Variants in TAF4B observed in about 807,000 individuals in gnomAD.
The protein encoded by TAF4B is TATA-box binding protein associated factor 4b.
Under a neutral mutation model 86.4 loss-of-function variants are expected in TAF4B, and 38 were observed. That is an observed-to-expected ratio of 0.44 (90% CI 0.34 to 0.58). The LOEUF (loss-of-function observed/expected upper bound fraction) is 0.58. Ranked by LOEUF, TAF4B falls within the 20% of genes least tolerant of loss-of-function variation. TAF4B has a pLI of 0.02. For synonymous variants in TAF4B, 388 were observed against 391.2 expected (o/e 0.99, Z 0.10); for missense variants, 988 against 1,027.6 (o/e 0.96, Z 0.53).
chr18:26,330,557 T>C (rs1451435864), intron 12 of TAF4B, among the ~76,000 whole-genome samples: 1 of 152,210 alleles, frequency 6.6e-6, no homozygotes, highest in Admixed American at 6.5e-5. Flanking sequence ...TAAAAGGGTG[T>C]CATTACATCT....
At chr18:26,236,625 C>G (rs531801243) in intron 1 of TAF4B, among the ~76,000 whole-genome samples, 1 of 152,142 alleles carries the variant, frequency 6.6e-6, no homozygotes, top group African/African-American at 2.4e-5. Context: ...TCCTTGCAAA[C>G]CACACTAATA....
chr18:26,269,679 C>T (rs2056288485), intron 3 of TAF4B, among the ~76,000 whole-genome samples: 1 of 150,902 alleles, frequency 6.6e-6, no homozygotes, highest in South Asian at 2.1e-4. Context: ...CATTTGTTGT[C>T]ACTTAACATG....
At chr18:26,367,073 A>T (rs1423425067) in intron 14 of TAF4B, among the ~76,000 whole-genome samples, 1 of 152,248 alleles carries the variant, frequency 6.6e-6, no homozygotes, top group African/African-American at 2.4e-5. Context: ...TAATAGGATC[A>T]TCCTAAAAGC....
intron 14 of TAF4B, among the ~76,000 whole-genome samples, chr18:26,386,648 T>C (rs1978390945): frequency 1.3e-5 from 2 of 152,228 alleles, no homozygotes; most frequent in African/African-American, 4.8e-5. Flanking sequence ...TTGGTAGAAA[T>C]TGAATCATAC....
At chr18:26,256,308 C>G in intron 1 of TAF4B, 1 of 1,450,794 alleles carries the variant, frequency 6.9e-7, no homozygotes, top group Non-Finnish European at 9.7e-7. Context: ...TCTGCAAATA[C>G]AGCAGCCCTC....
At chr18:26,368,634 C>CT (rs1004525630) in intron 14 of TAF4B, among the ~76,000 whole-genome samples, 45 of 152,072 alleles carry the variant, frequency 3.0e-4, no homozygotes, top group African/African-American at 8.7e-4. Context: ...TCATCTAACT[C>CT]TTTTTATAAA....
intron 1 of TAF4B, among the ~76,000 whole-genome samples, chr18:26,255,486 C>G (rs1283724543): frequency 6.6e-6 from 1 of 151,012 alleles, no homozygotes; most frequent in African/African-American, 2.4e-5. Context: ...ACCTATAAAC[C>G]CAGCTACTTG....
At chr18:26,286,806 C>G (rs993596657) in intron 7 of TAF4B, among the ~76,000 whole-genome samples, 2 of 152,106 alleles carry the variant, frequency 1.3e-5, no homozygotes, top group Non-Finnish European at 2.9e-5. Context: ...GCCTTACCCT[C>G]CTGAGTAGCT....
chr18:26,363,822 A>G (rs1465831541), intron 14 of TAF4B, among the ~76,000 whole-genome samples: 1 of 152,218 alleles, frequency 6.6e-6, no homozygotes, highest in African/African-American at 2.4e-5. Flanking sequence ...GAATCAGCAT[A>G]TAATCCCAGA....
chr18:26,285,384 T>G (rs1568127786), intron 6 of TAF4B, among the ~76,000 whole-genome samples: 3 of 151,656 alleles, frequency 2.0e-5, no homozygotes, highest in Non-Finnish European at 1.5e-5. Flanking sequence ...GATGGGGTTT[T>G]GCCATGTTGC....
At position 26,390,823 on chromosome 18, in the gene TAF4B, G is replaced by C. The variant is rs548899459; in HGVS notation, c.*811G>C. On this transcript the variant is annotated 3_prime_UTR_variant, in exon 15 of 15. Transcript: ENST00000269142. ...CCCAAGAGGGGAAGAGGTGGAATCG[G>C]AACTCCAAAACAACTGGTACATGTT... 1 of 152,222 alleles carries C rather than the reference G, an allele frequency of 6.6e-6. No individual in the cohort carries two copies. Among genetic ancestry groups the C allele is most frequent in the East Asian group, 1.9e-4 (1 of 5,180 alleles). 9.4% of individuals were successfully genotyped at this position (152,222 alleles called of 1,614,324 possible). A position where few individuals can be genotyped will look rare whatever the true frequency, so the allele number is the denominator to read the frequency against.
intron 5 of TAF4B, 129 bp from the exon 6 acceptor site, chr18:26,281,842 A>G (rs2056453401): frequency 4.8e-6 from 3 of 622,346 alleles, no homozygotes; most frequent in Non-Finnish European, 8.3e-6. Context: ...GCATGAAGAA[A>G]AAAGCCTATA....
In TAF4B at chr18:26,391,472, TTTG is replaced by T. The variant is rs1487509730; in HGVS notation, c.*1463_*1465del. The T allele has an allele frequency of 6.6e-6, 1 of 152,262 alleles. No homozygotes were observed. The highest frequency in any genetic ancestry group is 1.9e-4 in the East Asian group (1 of 5,192). The allele number at this position is 152,262 out of a possible 1,614,324, so 9.4% of individuals were successfully genotyped here. A position where few individuals can be genotyped will look rare whatever the true frequency, so the allele number is the denominator to read the frequency against. On this transcript the variant is annotated 3_prime_UTR_variant, in exon 15 of 15. Transcript: ENST00000269142. ...AAATTTTAAATTGGCCACATTTTTT[TTTG>T]TTTCAGCAAGTTATGTAAAATGCTA...
At chr18:26,238,434 G>A (rs1372226051) in intron 1 of TAF4B, among the ~76,000 whole-genome samples, 1 of 152,100 alleles carries the variant, frequency 6.6e-6, no homozygotes, top group African/African-American at 2.4e-5. Flanking sequence ...CTGCTAGTCT[G>A]AGGAGGGATC....
At chr18:26,289,700 G>A (rs2056569297) in intron 7 of TAF4B, among the ~76,000 whole-genome samples, 1 of 152,138 alleles carries the variant, frequency 6.6e-6, no homozygotes, top group Non-Finnish European at 1.5e-5. Flanking sequence ...TGTTGCCCAG[G>A]CTAGTCTTGA....
intron 13 of TAF4B, among the ~76,000 whole-genome samples, chr18:26,356,378 C>G (rs2057289088): frequency 6.6e-6 from 1 of 152,070 alleles, no homozygotes; most frequent in Non-Finnish European, 1.5e-5. Context: ...ACTAAAGATT[C>G]AGTTACCTAT....
chr18:26,311,705 T>A (rs1007831864), intron 9 of TAF4B, among the ~76,000 whole-genome samples: 6 of 152,176 alleles, frequency 3.9e-5, no homozygotes, highest in African/African-American at 1.4e-4. Context: ...CAGGAGGAGT[T>A]ATTCTATAGT....
intron 1 of TAF4B, among the ~76,000 whole-genome samples, chr18:26,255,307 G>T (rs2056065638): frequency 7.0e-6 from 1 of 142,622 alleles, no homozygotes; most frequent in Non-Finnish European, 1.6e-5. Context: ...TTCAGAGTTT[G>T]TGGGACTGGG....
chr18:26,261,172 ATTTTTTTTTTT>A (rs71169839), intron 1 of TAF4B, among the ~76,000 whole-genome samples: 2 of 77,116 alleles, frequency 2.6e-5, no homozygotes, highest in Non-Finnish European at 5.1e-5. Flanking sequence ...GAGCACTGTC[ATTTTTTTTTTT>A]TTTTTTTTTT....
Sources: allele counts gnomAD v4.1 joint callset (sites outside exome capture counted in the v4.1 genomes callset), GRCh38; gene constraint gnomAD v4.1.1; transcripts MANE v1.5; gene names NCBI Gene and HGNC (gene_info 2026-07-23, HGNC 2026-07-21).